The following SLC19A1 variants were observed in gnomAD, a reference collection of about 807,000 sequenced individuals.
SLC19A1 encodes the protein reduced folate transporter.
SLC19A1 carries 37 observed loss-of-function variants against 35.3 expected under a neutral mutation model. The observed-to-expected ratio is 1.05, with a 90% CI of 0.81 to 1.38. The LOEUF (loss-of-function observed/expected upper bound fraction) is 1.38. Ranked by LOEUF, SLC19A1 falls within the 40% of genes most tolerant of loss-of-function variation. The probability of loss-of-function intolerance (pLI) is 0.00; values close to 1 mark genes in which losing one functional copy is unlikely to be tolerated. For missense variants in SLC19A1, 831 were observed against 826.9 expected (o/e 1.00, Z -0.06); for synonymous variants, 460 against 398.5 (o/e 1.15, Z -1.84).
rs572369599 is a variant in SLC19A1, at chr21:45,534,643, A to G, written c.190-2495T>C. The G allele has an allele frequency of 2.6e-6, 4 of 1,530,344 alleles. No homozygotes were observed. The highest frequency in any genetic ancestry group is 2.4e-5 in the East Asian group (1 of 40,862). The allele number at this position is 1,530,344 out of a possible 1,614,324, so 94.8% of individuals were successfully genotyped here. ...TGGTCTTAGTTGAGGGTCTGAGCGC[A>G]GAGCTCCCCCTTGGCAGCCACCCAG... On this transcript the variant is annotated intron_variant, in intron 2 of 5. Coordinates refer to ENST00000311124, the MANE Select transcript of SLC19A1 (RefSeq NM_194255.4). This position sits in a 1 kb window ranked among gnomAD's most constrained non-coding sequence, Gnocchi z 4.2.
upstream of SLC19A1, chr21:45,543,800 G>A (rs1171747770): frequency 6.6e-6 from 1 of 152,382 alleles, no homozygotes; most frequent in Non-Finnish European, 1.5e-5. Flanking sequence ...CTGCTTTGTG[G>A]GAGCCCTGGC....
chr21:45,562,425 A>G (rs1258217052), intron 1 of SLC19A1, among the ~76,000 whole-genome samples: 1 of 152,212 alleles, frequency 6.6e-6, no homozygotes, highest in Admixed American at 6.5e-5. Context: ...ACAGCCTGGG[A>G]GGAACAGAAC....
intron 2 of SLC19A1, among the ~76,000 whole-genome samples, chr21:45,537,237 G>A (rs569514776): frequency 1.2e-4 from 19 of 152,264 alleles, no homozygotes; most frequent in Middle Eastern, 6.8e-3. Context: ...TTACTAGGCC[G>A]AAGCCAGGCC....
chr21:45,510,066 C>A, downstream of SLC19A1: 1 of 1,565,022 alleles, frequency 6.4e-7, no homozygotes, highest in East Asian at 2.4e-5. Context: ...CCCCGCAGCT[C>A]CACCTGGTTG....
chr21:45,509,497 C>A (rs985397755), downstream of SLC19A1: 8 of 1,529,372 alleles, frequency 5.2e-6, no homozygotes, highest in Non-Finnish European at 7.0e-6. Context: ...CCTGCCCGAG[C>A]CCCAGCCCTA....
intron 1 of SLC19A1, among the ~76,000 whole-genome samples, chr21:45,555,012 G>T (rs555710342): frequency 8.8e-4 from 133 of 151,038 alleles, no homozygotes; most frequent in Non-Finnish European, 1.3e-3. Context: ...TCCAGGTTAT[G>T]CGTGGGGCCG....
intron 3 of SLC19A1, chr21:45,505,689 A>C (rs568974522): frequency 1.4e-6 from 1 of 710,980 alleles, no homozygotes; most frequent in South Asian, 1.6e-5. Flanking sequence ...AGGGGTCCCC[A>C]TGGTGCTCAT....
chr21:45,539,354 GCCTTGTGGGGCGGGGT>G (rs1304650299), intron 1 of SLC19A1, among the ~76,000 whole-genome samples: 2 of 152,266 alleles, frequency 1.3e-5, no homozygotes, highest in Admixed American at 1.3e-4. Context: ...CAGCTGAGCA[GCCTTGTGGGGCGGGGT>G]CGCCGTCCCA....
At chr21:45,509,555 G>A (rs767494712), downstream of SLC19A1, 25 of 1,533,974 alleles carry the variant, frequency 1.6e-5, no homozygotes, top group Middle Eastern at 3.5e-4. Context: ...CGGCCGGCGC[G>A]ACCCACAAGC....
chr21:45,535,434 C>T (rs898721963), intron 2 of SLC19A1, among the ~76,000 whole-genome samples: 30 of 152,208 alleles, frequency 2.0e-4, no homozygotes, highest in Non-Finnish European at 4.1e-4. Context: ...GAACCAGGTC[C>T]GAGGAGGACA....
At chr21:45,546,548 T>G (rs979380198), upstream of SLC19A1, among the ~76,000 whole-genome samples, 1 of 152,190 alleles carries the variant, frequency 6.6e-6, no homozygotes, top group African/African-American at 2.4e-5. Flanking sequence ...TGCCCCCAAG[T>G]CTCCCTATAG....
At chr21:45,509,586 C>T (rs370921955), downstream of SLC19A1, 727 of 1,512,602 alleles carry the variant, frequency 4.8e-4, no homozygotes, top group Non-Finnish European at 5.5e-4. Flanking sequence ...ACAGCCACCG[C>T]GACTTCCAGC....
chr21:45,557,872 G>C (rs2078579297), intron 1 of SLC19A1, among the ~76,000 whole-genome samples: 1 of 152,212 alleles, frequency 6.6e-6, no homozygotes, highest in South Asian at 2.1e-4. Flanking sequence ...CTCGGCACTC[G>C]GACTTGGCCT....
At chr21:45,522,351 A>G (rs73372920) in intron 5 of SLC19A1, among the ~76,000 whole-genome samples, 3,630 of 152,316 alleles carry the variant, frequency 0.024, 152 homozygotes, top group African/African-American at 0.084. Flanking sequence ...ACGGCATACC[A>G]AAGACGCTGT....
intron 1 of SLC19A1, among the ~76,000 whole-genome samples, chr21:45,542,021 C>T (rs1219210690): frequency 1.3e-5 from 2 of 151,324 alleles, no homozygotes; most frequent in Admixed American, 1.3e-4. Context: ...GACCCCGGCC[C>T]ACGCCCCGCA....
chr21:45,511,720 C>T (rs138497808), downstream of SLC19A1, among the ~76,000 whole-genome samples: 1,006 of 152,284 alleles, frequency 6.6e-3, 10 homozygotes, highest in African/African-American at 0.023. Context: ...AGGGGTGTCT[C>T]GGGGTGCCAC....
Position 45,502,940 on chromosome 21 carries a change from A to C in SLC19A1, c.498-4328T>G, listed in dbSNP as rs1033460282. ...CAATGTACCGAAGTCACCAGATGGAAGGGCAGTCTAGAAAAACCACCACCG... is the reference window on the plus strand; with the variant it reads ...CAATGTACCGAAGTCACCAGATGGACGGGCAGTCTAGAAAAACCACCACCG... On this transcript the variant is annotated intron_variant, in intron 3 of 4. Coordinates refer to the SLC19A1 transcript ENST00000417954. 2.0e-5 allele frequency: 3 copies of C among 152,244 alleles called. No homozygotes were observed. The South Asian group carries it at 6.2e-4, about 32-fold the overall frequency. 9.4% of individuals were successfully genotyped at this position (152,244 alleles called of 1,614,324 possible).
intron 4 of SLC19A1, 147 bp from the exon 5 acceptor site, chr21:45,526,105 C>T (rs1309671653): frequency 7.5e-6 from 6 of 803,338 alleles, no homozygotes; most frequent in Non-Finnish European, 1.2e-5. Flanking sequence ...CACCAGGCCC[C>T]CATCTCTCCC....
chr21:45,522,424 G>A (rs538857144), intron 5 of SLC19A1, among the ~76,000 whole-genome samples: 2 of 152,300 alleles, frequency 1.3e-5, no homozygotes, highest in East Asian at 3.9e-4. Flanking sequence ...TGGAAAGTGG[G>A]CTGCTTCCCT....
Sources: allele counts gnomAD v4.1 joint callset (sites outside exome capture counted in the v4.1 genomes callset), GRCh38; gene constraint gnomAD v4.1.1; non-coding constraint Gnocchi (gnomAD v3.1); transcripts MANE v1.5; gene names NCBI Gene and HGNC (gene_info 2026-07-23, HGNC 2026-07-21).